Variants in RPS6KA6 observed in about 807,000 individuals in gnomAD.
RPS6KA6 encodes ribosomal protein S6 kinase A6.
A neutral mutation model predicts 65.4 loss-of-function variants in RPS6KA6; 27 were observed. That is an observed-to-expected ratio of 0.41 (90% CI 0.30 to 0.57). The LOEUF (loss-of-function observed/expected upper bound fraction) is 0.57, where lower values mean the gene tolerates loss of function less well. RPS6KA6 is among the 20% of genes least tolerant of loss of function. RPS6KA6 has a pLI of 0.24. For missense variants in RPS6KA6, 486 were observed against 555.6 expected, an observed-to-expected ratio of 0.87 and a Z score of 1.26; for synonymous variants, 190 against 184.2, an observed-to-expected ratio of 1.03 and a Z score of -0.26.
intron 1 of RPS6KA6, among the ~76,000 whole-genome samples, chrX:84,182,036 GTCTCTCTCTCTCTC>G (rs66511596): frequency 3.3e-5 from 3 of 89,654 alleles, no homozygotes; most frequent in Admixed American, 1.3e-4. Context: ...CTCTTTCTCT[GTCTCTCTCTCTCTC>G]TCTCTCTCTC....
At chrX:84,078,244 A>G (rs1212313841) in intron 20 of RPS6KA6, among the ~76,000 whole-genome samples, 1 of 112,301 alleles carries the variant, frequency 8.9e-6, no homozygotes, top group East Asian at 2.8e-4. Flanking sequence ...AATTAAAACT[A>G]CTTTCAAATA....
In RPS6KA6 at chrX:84,062,543, C is replaced by T. The variant is rs979328129; in HGVS notation, c.*1734G>A. 1 of 111,224 alleles carries T rather than the reference C, an allele frequency of 9.0e-6. No homozygotes were observed. Among genetic ancestry groups the T allele is most frequent in the African/African-American group, 3.3e-5 (1 of 30,717 alleles). 9.2% of individuals were successfully genotyped at this position (111,224 alleles called of 1,213,427 possible). On this transcript the variant is annotated 3_prime_UTR_variant, in exon 22 of 22. Coordinates refer to ENST00000262752, the MANE Select transcript of RPS6KA6 (RefSeq NM_014496.5). ...CATAAAAAGCCATAAGACATGATAC[C>T]TAACTACTTCTAAGTAATTATTTTT...
At chrX:84,098,687 A>G (rs770202471) in intron 18 of RPS6KA6, among the ~76,000 whole-genome samples, 2 of 111,338 alleles carry the variant, frequency 1.8e-5, no homozygotes, top group Non-Finnish European at 3.8e-5. Context: ...TTTCTCATCT[A>G]TAAAAGGCTA....
rs2033328344 is a variant in RPS6KA6, at chrX:84,063,129, C to G, written c.*1148G>C. On this transcript the variant is annotated 3_prime_UTR_variant, in exon 22 of 22. Transcript: ENST00000262752. Reference sequence around the variant, plus strand: ...TATAAATATGATTTTAAAATGTGCTCAAATTTTTTGTAGACCATTAATATT... The same window carrying G: ...TATAAATATGATTTTAAAATGTGCTGAAATTTTTTGTAGACCATTAATATT... 1 of 111,227 alleles carries G rather than the reference C, an allele frequency of 9.0e-6. No individual in the cohort carries two copies. The highest frequency in any genetic ancestry group is 3.3e-5 in the African/African-American group (1 of 30,712). The allele number at this position is 111,227 out of a possible 1,213,427, so 9.2% of individuals were successfully genotyped here.
At chrX:84,167,773 A>T (rs1259406758) in intron 1 of RPS6KA6, among the ~76,000 whole-genome samples, 2 of 110,872 alleles carry the variant, frequency 1.8e-5, no homozygotes, top group African/African-American at 3.3e-5. Context: ...GAGGCATCAC[A>T]TGGGAAGAGT....
chrX:84,075,191 C>T (rs181653780), intron 20 of RPS6KA6, among the ~76,000 whole-genome samples: 132 of 111,383 alleles, frequency 1.2e-3, no homozygotes, highest in Admixed American at 5.4e-3. Flanking sequence ...AAGATTGCGC[C>T]ACTGCACTCC....
At chrX:84,174,317 T>C (rs767049384) in intron 1 of RPS6KA6, among the ~76,000 whole-genome samples, 2 of 112,227 alleles carry the variant, frequency 1.8e-5, no homozygotes, top group African/African-American at 6.5e-5. Flanking sequence ...TTTCTAATTA[T>C]ACAATATTCT....
intron 2 of RPS6KA6, among the ~76,000 whole-genome samples, chrX:84,161,340 C>T (rs1458350406): frequency 1.8e-5 from 2 of 111,669 alleles, no homozygotes; most frequent in Non-Finnish European, 3.8e-5. Flanking sequence ...CTTATCTTTG[C>T]ATACCTGATG....
At chrX:84,152,226 G>A (rs887055270) in intron 3 of RPS6KA6, among the ~76,000 whole-genome samples, 12 of 110,201 alleles carry the variant, frequency 1.1e-4, no homozygotes, top group African/African-American at 3.6e-4. Context: ...CAGGTCTTAT[G>A]AGTGACTTTC....
intron 2 of RPS6KA6, among the ~76,000 whole-genome samples, chrX:84,156,574 G>A (rs1428309083): frequency 3.6e-5 from 4 of 111,098 alleles, no homozygotes; most frequent in African/African-American, 6.5e-5. Context: ...ACCAAAAAAC[G>A]TGACCTCAAG....
intron 7 of RPS6KA6, 140 bp from the exon 8 acceptor site, chrX:84,134,959 T>C: frequency 6.8e-6 from 4 of 584,588 alleles, no homozygotes; most frequent in Non-Finnish European, 8.1e-6. Flanking sequence ...AAAGTCAATG[T>C]ACGTCTCACA....
At chrX:84,077,620 G>T (rs1227200220) in intron 20 of RPS6KA6, among the ~76,000 whole-genome samples, 1 of 111,618 alleles carries the variant, frequency 9.0e-6, no homozygotes, top group Admixed American at 9.5e-5. Flanking sequence ...AAAGAACATT[G>T]ACCTAAAGAT....
At chrX:84,072,093 T>C (rs943533857) in intron 20 of RPS6KA6, among the ~76,000 whole-genome samples, 15 of 111,596 alleles carry the variant, frequency 1.3e-4, no homozygotes, top group African/African-American at 4.6e-4. Context: ...AACCCAACTG[T>C]TCTAACCAGA....
At chrX:84,176,163 T>C (rs2035765272) in intron 1 of RPS6KA6, among the ~76,000 whole-genome samples, 1 of 112,129 alleles carries the variant, frequency 8.9e-6, no homozygotes, top group Admixed American at 9.5e-5. Flanking sequence ...TCCTGGTTTC[T>C]ATTCAGGCAG....
chrX:84,158,929 G>C (rs746838999), intron 2 of RPS6KA6, among the ~76,000 whole-genome samples: 26 of 111,435 alleles, frequency 2.3e-4, no homozygotes, highest in Non-Finnish European at 4.2e-4. Flanking sequence ...TATTTTTTAA[G>C]CCTCCCCAGT....
intron 19 of RPS6KA6, among the ~76,000 whole-genome samples, chrX:84,096,696 T>C (rs928585599): frequency 1.8e-5 from 2 of 111,746 alleles, no homozygotes; most frequent in Non-Finnish European, 3.8e-5. Flanking sequence ...ATATTCATAA[T>C]GTATTTATTG....
At chrX:84,163,645 C>CA (rs1184307765) in intron 2 of RPS6KA6, among the ~76,000 whole-genome samples, 17,580 of 46,761 alleles carry the variant, frequency 0.38, 3,176 homozygotes, top group East Asian at 0.78. Context: ...GACTCCGTCT[C>CA]AAAAAAAAAA....
intron 12 of RPS6KA6, among the ~76,000 whole-genome samples, chrX:84,112,594 G>A (rs770396827): frequency 1.0e-3 from 113 of 111,537 alleles, no homozygotes; most frequent in African/African-American, 3.6e-3. Flanking sequence ...ACAAAATCAA[G>A]GCAGGAATAA....
intron 20 of RPS6KA6, among the ~76,000 whole-genome samples, chrX:84,073,957 G>A (rs1237179512): frequency 9.0e-6 from 1 of 111,555 alleles, no homozygotes; most frequent in East Asian, 2.8e-4. Flanking sequence ...ATGGAAAACT[G>A]CATGGCATTT....
Sources: gnomAD v4.1 joint callset for allele counts (sites outside exome capture counted in the v4.1 genomes callset) on GRCh38, gnomAD v4.1.1 for gene constraint, MANE v1.5 for transcripts, NCBI Gene and HGNC (gene_info 2026-07-23, HGNC 2026-07-21) for gene names.